CFTR: variants seen among roughly 807,000 people sequenced by gnomAD.
CFTR encodes cystic fibrosis transmembrane conductance regulator.
A neutral mutation model predicts 171.6 loss-of-function variants in CFTR; 181 were observed. That is an observed-to-expected ratio of 1.05 (90% confidence interval 0.93 to 1.19). The LOEUF is 1.19. Among genes scored for constraint, CFTR ranks in the 50% most tolerant of loss-of-function variants. CFTR has a pLI of 0.00. For missense variants in CFTR, 1,968 were observed against 1,734.7 expected (o/e 1.13, Z -2.39); for synonymous variants, 583 against 608.0 (o/e 0.96, Z 0.60).
At chr7:117,529,441 C>T (rs1354537368) in intron 3 of CFTR, among the ~76,000 whole-genome samples, 1 of 132,848 alleles carries the variant, frequency 7.5e-6, no homozygotes, top group Non-Finnish European at 1.6e-5. Context: ...GGGTGCAGCG[C>T]ACCAGCATGG....
chr7:117,594,495 A>G (rs1344547380), intron 14 of CFTR, among the ~76,000 whole-genome samples: 1 of 152,186 alleles, frequency 6.6e-6, no homozygotes, highest in Non-Finnish European at 1.5e-5. Context: ...CTTTCAGTCT[A>G]TTGGAAGACC....
chr7:117,501,793 C>CAAAAAAAAAAAAAAAAA (rs1798336773), intron 1 of CFTR, among the ~76,000 whole-genome samples: 8 of 99,944 alleles, frequency 8.0e-5, no homozygotes, highest in Non-Finnish European at 1.9e-4. Flanking sequence ...AAAAAAAAAA[C>CAAAAAAAAAAAAAAAAA]AAAAAGCAAA....
chr7:117,645,588 C>G (rs1792985736), intron 23 of CFTR, among the ~76,000 whole-genome samples: 1 of 152,144 alleles, frequency 6.6e-6, no homozygotes, highest in African/African-American at 2.4e-5. Context: ...TACTGCAGTG[C>G]CTTCCTCATC....
chr7:117,512,087 A>G (rs1798528497), intron 3 of CFTR, among the ~76,000 whole-genome samples: 2 of 152,196 alleles, frequency 1.3e-5, no homozygotes, highest in African/African-American at 4.8e-5. Context: ...CCCTCTAAAC[A>G]ATGATAGTTG....
chr7:117,556,072 T>G (rs1799347531), intron 10 of CFTR, among the ~76,000 whole-genome samples: 1 of 152,176 alleles, frequency 6.6e-6, no homozygotes, highest in South Asian at 2.1e-4. Context: ...GTTATTAATA[T>G]TACTATTATT....
chr7:117,641,805 T>C (rs1792919190), intron 22 of CFTR, among the ~76,000 whole-genome samples: 1 of 152,208 alleles, frequency 6.6e-6, no homozygotes, highest in South Asian at 2.1e-4. Context: ...ACATTTTGCT[T>C]TCTGAAATTC....
At chr7:117,548,333 G>GGGGT (rs1554382502) in intron 9 of CFTR, among the ~76,000 whole-genome samples, 1 of 144,080 alleles carries the variant, frequency 6.9e-6, no homozygotes, top group Non-Finnish European at 1.5e-5. Context: ...AGGAGAAGAG[G>GGGGT]GTGTGTGTGT....
intron 1 of CFTR, among the ~76,000 whole-genome samples, chr7:117,489,368 TA>T (rs1265224149): frequency 6.6e-6 from 1 of 152,120 alleles, no homozygotes; most frequent in Non-Finnish European, 1.5e-5. Context: ...TGTTAATTTC[TA>T]AAAACTGTGT....
At chr7:117,656,989 T>A (rs1385769062) in intron 24 of CFTR, among the ~76,000 whole-genome samples, 1 of 152,170 alleles carries the variant, frequency 6.6e-6, no homozygotes, top group Non-Finnish European at 1.5e-5. Flanking sequence ...TATCAAAGTT[T>A]CCTTATTACC....
chr7:117,585,159 AT>A (rs1423454832), intron 11 of CFTR, among the ~76,000 whole-genome samples: 1 of 151,580 alleles, frequency 6.6e-6, no homozygotes, highest in Non-Finnish European at 1.5e-5. Context: ...ACTTCTGACA[AT>A]TTTTGCTTCT....
intron 5 of CFTR, among the ~76,000 whole-genome samples, 196 bp downstream of exon 5, chr7:117,534,561 C>A (rs1351881739): frequency 6.6e-6 from 1 of 152,174 alleles, no homozygotes; most frequent in Non-Finnish European, 1.5e-5. Flanking sequence ...CCACCCAACT[C>A]AAAGGCACCT....
chr7:117,587,096 C>T (rs1430976506), intron 11 of CFTR, among the ~76,000 whole-genome samples: 2 of 152,032 alleles, frequency 1.3e-5, no homozygotes, highest in African/African-American at 4.8e-5. Flanking sequence ...ATTGTTACCA[C>T]AGAAATATTC....
At chr7:117,590,900 TCTC>T (rs1398942443) in intron 13 of CFTR, among the ~76,000 whole-genome samples, 1 of 152,002 alleles carries the variant, frequency 6.6e-6, no homozygotes, top group Non-Finnish European at 1.5e-5. Flanking sequence ...TCCTTGGAGA[TCTC>T]CTCCTCAGTC....
rs121908797 is a variant in CFTR at position 117,606,753 on chromosome 7, G to A, written c.2988G>A (p.Gln996=). The A allele has an allele frequency of 7.2e-6, 11 of 1,527,958 alleles. No homozygotes were observed. The highest frequency in any genetic ancestry group is 1.0e-5 in the Non-Finnish European group (11 of 1,102,326). 94.7% of individuals were successfully genotyped at this position (1,527,958 alleles called of 1,614,324 possible). A position where few individuals can be genotyped will look rare whatever the true frequency, so the allele number is the denominator to read the frequency against. ...CTCTTACCATATTTGACTTCATCCAGGTATGTAAAAATAAGTACCGTTAAG... is the reference window on the plus strand; with the variant it reads ...CTCTTACCATATTTGACTTCATCCAAGTATGTAAAAATAAGTACCGTTAAG... ...LLPLTIFDFI[Q]LLLIVIGAIA... The change falls in exon 18 of 27, where the codon CAG becomes CAA. Residue 996 remains glutamine (Q), a splice_region_variant and synonymous_variant. Coordinates refer to ENST00000003084, the MANE Select transcript of CFTR (RefSeq NM_000492.4).
intron 18 of CFTR, 61 bp downstream of exon 18, chr7:117,606,814 A>T (rs1304610182): frequency 7.2e-6 from 7 of 967,580 alleles, no homozygotes. Flanking sequence ...TAACAAAAGC[A>T]AATGTGATTT....
chr7:117,632,409 C>T (rs552521759), intron 22 of CFTR, among the ~76,000 whole-genome samples: 1 of 151,744 alleles, frequency 6.6e-6, no homozygotes, highest in African/African-American at 2.4e-5. Flanking sequence ...ACAAAAATCA[C>T]AAAAATTAGG....
chr7:117,609,380 T>G (rs1254297429), intron 18 of CFTR, among the ~76,000 whole-genome samples: 1 of 152,198 alleles, frequency 6.6e-6, no homozygotes, highest in Admixed American at 6.5e-5. Flanking sequence ...AAAATACATG[T>G]GTCACTTATG....
intron 13 of CFTR, among the ~76,000 whole-genome samples, chr7:117,590,657 C>T (rs1045513914): frequency 6.6e-6 from 1 of 152,062 alleles, no homozygotes; most frequent in African/African-American, 2.4e-5. Flanking sequence ...CATGCTAAAC[C>T]AGTTTCTCTC....
At chr7:117,606,617 G>T in intron 17 of CFTR, 57 bp from the exon 18 acceptor site, 1 of 907,746 alleles carries the variant, frequency 1.1e-6, no homozygotes, top group South Asian at 1.3e-5. Context: ...TGAATATATT[G>T]ATATATCTTT....
Sources: gnomAD v4.1 joint callset for allele counts (sites outside exome capture counted in the v4.1 genomes callset) on GRCh38, gnomAD v4.1.1 for gene constraint, MANE v1.5 for transcripts, NCBI Gene and HGNC (gene_info 2026-07-23, HGNC 2026-07-21) for gene names.